SH3KBP1: variants seen among roughly 807,000 people sequenced by gnomAD.
SH3KBP1 encodes SH3 domain containing kinase binding protein 1.
SH3KBP1 carries 8 observed loss-of-function variants against 50.1 expected under a neutral mutation model. That is an observed-to-expected ratio of 0.16 (90% CI 0.09 to 0.29). The LOEUF is 0.29. Among genes scored for constraint, SH3KBP1 ranks in the 10% least tolerant of loss-of-function variants. SH3KBP1 has a pLI of 1.00. For missense variants in SH3KBP1, 377 were observed against 535.2 expected (o/e 0.70, Z 2.92); for synonymous variants, 227 against 218.6 (o/e 1.04, Z -0.34).
At chrX:19,713,037 A>G (rs1327865264) in intron 3 of SH3KBP1, among the ~76,000 whole-genome samples, 2 of 109,836 alleles carry the variant, frequency 1.8e-5, no homozygotes, top group African/African-American at 3.3e-5. Flanking sequence ...CATCTGGCCA[A>G]TGTGGTGAAA....
At chrX:19,767,362 T>C in intron 2 of SH3KBP1, among the ~76,000 whole-genome samples, 1 of 112,534 alleles carries the variant, frequency 8.9e-6, no homozygotes, top group South Asian at 3.6e-4. Context: ...AGAAATCTTG[T>C]TTCTTTCCTA....
chrX:19,657,883 G>A (rs2062330772), intron 6 of SH3KBP1, among the ~76,000 whole-genome samples: 1 of 106,042 alleles, frequency 9.4e-6, no homozygotes, highest in Non-Finnish European at 1.9e-5. Context: ...AAAATTAGAG[G>A]CAGAAAGTAG....
chrX:19,538,937 C>T (rs1447317915), intron 16 of SH3KBP1, among the ~76,000 whole-genome samples: 3 of 112,199 alleles, frequency 2.7e-5, no homozygotes, highest in South Asian at 3.7e-4. Flanking sequence ...GTTACTGGTA[C>T]GTTTTCATGG....
At chrX:19,725,090 AAAG>A (rs1347389769) in intron 3 of SH3KBP1, among the ~76,000 whole-genome samples, 1 of 111,014 alleles carries the variant, frequency 9.0e-6, no homozygotes, top group Non-Finnish European at 1.9e-5. Flanking sequence ...GATGAAGAAG[AAAG>A]AAGAATTAAA....
At chrX:19,744,613 T>C (rs1360208022) in intron 3 of SH3KBP1, among the ~76,000 whole-genome samples, 7 of 112,046 alleles carry the variant, frequency 6.2e-5, no homozygotes, top group Non-Finnish European at 1.3e-4. Flanking sequence ...ATTCCACATA[T>C]AAAATGCCTC....
At chrX:19,822,626 A>G (rs1407498365) in intron 2 of SH3KBP1, among the ~76,000 whole-genome samples, 1 of 112,513 alleles carries the variant, frequency 8.9e-6, no homozygotes, top group Non-Finnish European at 1.9e-5. Context: ...TAATTCCAAC[A>G]TCTGAGTCTT....
chrX:19,545,244 C>T (rs2065051415), intron 15 of SH3KBP1, among the ~76,000 whole-genome samples: 1 of 111,928 alleles, frequency 8.9e-6, no homozygotes, highest in Admixed American at 9.5e-5. Flanking sequence ...ACTTGGTTTT[C>T]TTAGTGGGAG....
At chrX:19,802,682 C>A (rs186149345) in intron 2 of SH3KBP1, among the ~76,000 whole-genome samples, 122 of 111,610 alleles carry the variant, frequency 1.1e-3, no homozygotes, top group African/African-American at 3.7e-3. Context: ...TGGGCTCTGG[C>A]CCGTCCTCTT....
chrX:19,631,339 T>C (rs759517551), intron 8 of SH3KBP1, among the ~76,000 whole-genome samples: 1 of 112,670 alleles, frequency 8.9e-6, no homozygotes, highest in African/African-American at 3.2e-5. Flanking sequence ...ATTTTATAGC[T>C]CTCTGTTTAT....
At chrX:19,718,459 G>C (rs962209140) in intron 3 of SH3KBP1, among the ~76,000 whole-genome samples, 1 of 111,722 alleles carries the variant, frequency 9.0e-6, no homozygotes, top group African/African-American at 3.3e-5. Context: ...AAGTAACAGT[G>C]ATACTTCAGG....
At chrX:19,554,298 TATCATATTAAAATATAC>T (rs1293405991) in intron 13 of SH3KBP1, among the ~76,000 whole-genome samples, 1 of 89,449 alleles carries the variant, frequency 1.1e-5, no homozygotes, top group Non-Finnish European at 2.1e-5. Context: ...ATATATTATA[TATCATATTAAAATATAC>T]ATCATATTAA....
At chrX:19,859,349 T>C (rs1399132596) in intron 1 of SH3KBP1, among the ~76,000 whole-genome samples, 1 of 110,765 alleles carries the variant, frequency 9.0e-6, no homozygotes, top group Non-Finnish European at 1.9e-5. Flanking sequence ...GGTTTCACCA[T>C]GTTGGCCAGA....
rs1033892534 is a variant in SH3KBP1 at position 19,588,223 on chromosome X, A to G, written c.1298+420T>C. ...TGGGCTATGGAAAGAAGCCCTGCAG[A>G]GCAGTGAGGGTCAGGGGTCGTAGCC... On this transcript the variant is annotated intron_variant, in intron 12 of 17. Coordinates refer to ENST00000397821, the MANE Select transcript of SH3KBP1 (RefSeq NM_031892.3). The G allele has an allele frequency of 1.3e-5, 8 of 616,290 alleles. No individual in the cohort carries two copies. The South Asian group carries it at 3.0e-4, about 23-fold the overall frequency. The allele number at this position is 616,290 out of a possible 1,213,427, so 50.8% of individuals were successfully genotyped here.
intron 7 of SH3KBP1, among the ~76,000 whole-genome samples, chrX:19,635,457 T>C (rs748047640): frequency 9.3e-6 from 1 of 107,588 alleles, no homozygotes; most frequent in East Asian, 2.9e-4. Context: ...AGAGGATGGG[T>C]CAACAGGTGC....
intron 1 of SH3KBP1, among the ~76,000 whole-genome samples, chrX:19,839,058 A>T (rs2068147945): frequency 9.0e-6 from 1 of 110,716 alleles, no homozygotes; most frequent in Middle Eastern, 4.6e-3. Context: ...ATCATTCATA[A>T]TATGGGTTTC....
chrX:19,612,637 A>T (rs57012269), intron 8 of SH3KBP1, among the ~76,000 whole-genome samples: 2,551 of 110,226 alleles, frequency 0.023, 68 homozygotes, highest in African/African-American at 0.079. Flanking sequence ...TGGGAATTTT[A>T]AAAAAAAATG....
chrX:19,680,581 A>C lies in SH3KBP1; in HGVS notation c.726+3242T>G, dbSNP rs192466110. Reference sequence around the variant, plus strand: ...TGCTATCACGCAAGATCCAATTTACACTTCTAAAAATGAAAACAGTGAGCT... The same window carrying C: ...TGCTATCACGCAAGATCCAATTTACCCTTCTAAAAATGAAAACAGTGAGCT... On this transcript the variant is annotated intron_variant, in intron 6 of 17. Transcript: ENST00000397821. Among the ~76,000 whole-genome samples the C allele has an allele frequency of 2.0e-3, 219 of 110,930 alleles. 1 individual carries two copies. Among genetic ancestry groups the C allele is most frequent in the Middle Eastern group, 0.014 (3 of 216 alleles).
rs932348189 is a variant in SH3KBP1 at position 19,534,821 on chromosome X, A to G, written c.*1596T>C. On this transcript the variant is annotated 3_prime_UTR_variant, in exon 18 of 18. Transcript: ENST00000397821. The stretch of plus-strand genomic sequence containing the variant: ...AGCCTCAAGTAGCAAGGATGAGCAC[A>G]TAGGTTAAGAGGAAGGCAGGGGGAG... 3 of 295,947 alleles carry G rather than the reference A, an allele frequency of 1.0e-5. No individual in the cohort carries two copies. Among genetic ancestry groups the G allele is most frequent in the African/African-American group, 8.2e-5 (3 of 36,439 alleles). The allele number at this position is 295,947 out of a possible 1,213,427, so 24.4% of individuals were successfully genotyped here.
rs552212659 is a variant in SH3KBP1, at chrX:19,814,577, G to A, written c.162+21548C>T. 2.7e-4 allele frequency among the ~76,000 whole-genome samples: 30 copies of A among 111,690 alleles called. No individual in the cohort carries two copies. The South Asian group carries it at 0.011, about 40-fold the overall frequency. ...ACCCTCCTCCATAGGGCCTTTGCAC[G>A]TGCCGTTCCCACTGCCCGAAGGGCT... On this transcript the variant is annotated intron_variant, in intron 2 of 17. Coordinates refer to ENST00000397821, the MANE Select transcript of SH3KBP1 (RefSeq NM_031892.3).
Sources: gnomAD v4.1 joint callset for allele counts (sites outside exome capture counted in the v4.1 genomes callset) on GRCh38, gnomAD v4.1.1 for gene constraint, MANE v1.5 for transcripts, NCBI Gene and HGNC (gene_info 2026-07-23, HGNC 2026-07-21) for gene names.